YPEL2: variants seen among roughly 807,000 people sequenced by gnomAD.
The protein encoded by YPEL2 is protein yippee-like 2.
Under a neutral mutation model 19.1 loss-of-function variants are expected in YPEL2, and 2 were observed. That is an observed-to-expected ratio of 0.10 (90% CI 0.04 to 0.33). The LOEUF (loss-of-function observed/expected upper bound fraction) is 0.33. YPEL2 is among the 10% of genes least tolerant of loss of function. YPEL2 has a pLI of 1.00. For synonymous variants in YPEL2, 52 were observed against 50.0 expected (o/e 1.04, Z -0.17); for missense variants, 66 against 140.7 (o/e 0.47, Z 2.68).
intron 2 of YPEL2, among the ~76,000 whole-genome samples, chr17:59,361,733 C>G (rs954666472): frequency 1.3e-5 from 2 of 152,148 alleles, no homozygotes; most frequent in African/African-American, 4.8e-5. Context: ...TCATCAGGCT[C>G]TCCACCAAAG....
intron 4 of YPEL2, among the ~76,000 whole-genome samples, chr17:59,393,653 CCCTGCGGCCTT>C (rs2048020198): frequency 6.8e-6 from 1 of 146,624 alleles, no homozygotes; most frequent in African/African-American, 2.5e-5. Flanking sequence ...AGGCAGAGGA[CCCTGCGGCCTT>C]CCGCAGTGTT....
chr17:59,391,717 T>C (rs773248004), intron 4 of YPEL2, among the ~76,000 whole-genome samples: 8 of 152,000 alleles, frequency 5.3e-5, no homozygotes, highest in Non-Finnish European at 1.2e-4. Flanking sequence ...GGCCAACATA[T>C]AGTGAAACTC....
In YPEL2 at chr17:59,368,847, C is replaced by T. The variant is rs550740632; in HGVS notation, c.117+15321C>T. Among the ~76,000 whole-genome samples, 6 of 152,322 alleles carry T rather than the reference C, an allele frequency of 3.9e-5. No homozygotes were observed. In the East Asian group the frequency reaches 1.2e-3, roughly 29 times the overall value. Reference sequence around the variant, plus strand: ...TTTGGAAAATCAACTTCTTTAGCTTCTGTAAACCATGTATCCTTGAGCTTT... The same window carrying T: ...TTTGGAAAATCAACTTCTTTAGCTTTTGTAAACCATGTATCCTTGAGCTTT... On this transcript the variant is annotated intron_variant, in intron 2 of 4. Transcript: ENST00000312655.
At chr17:59,385,784 T>C (rs1368353357) in intron 2 of YPEL2, among the ~76,000 whole-genome samples, 7 of 152,210 alleles carry the variant, frequency 4.6e-5, no homozygotes, top group Non-Finnish European at 8.8e-5. Context: ...ACTTCAAATA[T>C]ACACCGTTTA....
chr17:59,395,897 T>G (rs1465529201), intron 4 of YPEL2, among the ~76,000 whole-genome samples: 1 of 152,054 alleles, frequency 6.6e-6, no homozygotes, highest in Non-Finnish European at 1.5e-5. Flanking sequence ...GCTAACATGG[T>G]GAAACCCCGT....
At chr17:59,367,677 G>C (rs2147946891) in intron 2 of YPEL2, among the ~76,000 whole-genome samples, 1 of 152,346 alleles carries the variant, frequency 6.6e-6, no homozygotes, top group Non-Finnish European at 1.5e-5. Flanking sequence ...ATGGTGGCTT[G>C]TATGAAGAGT....
intron 2 of YPEL2, among the ~76,000 whole-genome samples, chr17:59,384,174 C>G (rs2047968775): frequency 6.6e-6 from 1 of 152,118 alleles, no homozygotes; most frequent in South Asian, 2.1e-4. Flanking sequence ...TGATGAAGTT[C>G]AGTTTATCAG....
chr17:59,360,956 T>C (rs1169173391), intron 2 of YPEL2, among the ~76,000 whole-genome samples: 1 of 152,142 alleles, frequency 6.6e-6, no homozygotes, highest in East Asian at 1.9e-4. Context: ...CTCAGCCACC[T>C]GAGTAACTGG....
At chr17:59,363,603 G>A (rs377503571) in intron 2 of YPEL2, among the ~76,000 whole-genome samples, 5 of 152,178 alleles carry the variant, frequency 3.3e-5, no homozygotes, top group Non-Finnish European at 7.3e-5. Context: ...ATGAGCCGCC[G>A]CACCCAGCTG....
intron 1 of YPEL2, among the ~76,000 whole-genome samples, chr17:59,339,154 G>A (rs189799901): frequency 4.6e-4 from 54 of 117,990 alleles, no homozygotes; most frequent in African/African-American, 1.6e-3. Flanking sequence ...TTACCACTTC[G>A]GTCTTTGTCT....
chr17:59,332,242 G>A (rs538393455), intron 1 of YPEL2, among the ~76,000 whole-genome samples: 1 of 152,228 alleles, frequency 6.6e-6, no homozygotes, highest in East Asian at 1.9e-4. Flanking sequence ...GACGCCCTCC[G>A]TCCTCTCGTG....
intron 4 of YPEL2, among the ~76,000 whole-genome samples, chr17:59,395,553 T>C (rs1180187895): frequency 6.6e-6 from 1 of 152,146 alleles, no homozygotes; most frequent in Admixed American, 6.5e-5. Context: ...GCTGTGGGTT[T>C]AGAAAAGTCA....
At chr17:59,390,081 A>C (rs1242151939) in intron 4 of YPEL2, among the ~76,000 whole-genome samples, 1 of 151,938 alleles carries the variant, frequency 6.6e-6, no homozygotes, top group African/African-American at 2.4e-5. Flanking sequence ...GCTCACCACA[A>C]CCTCTGTCTC....
intron 1 of YPEL2, among the ~76,000 whole-genome samples, chr17:59,336,872 C>G (rs1359795984): frequency 6.6e-6 from 1 of 152,216 alleles, no homozygotes; most frequent in African/African-American, 2.4e-5. Context: ...CGCAAGCTGA[C>G]TGCTGCCCAA....
chr17:59,344,493 C>G (rs1369326511), intron 1 of YPEL2, among the ~76,000 whole-genome samples: 1 of 152,172 alleles, frequency 6.6e-6, no homozygotes, highest in Non-Finnish European at 1.5e-5. Flanking sequence ...GTTTGTGGCT[C>G]ACATCTGTAA....
At chr17:59,340,551 G>A (rs2047723677) in intron 1 of YPEL2, among the ~76,000 whole-genome samples, 1 of 151,906 alleles carries the variant, frequency 6.6e-6, no homozygotes, top group East Asian at 1.9e-4. Context: ...AAGTAGCTGG[G>A]ACTACAGGCA....
chr17:59,338,434 G>C (rs2047710311), intron 1 of YPEL2, among the ~76,000 whole-genome samples: 1 of 152,234 alleles, frequency 6.6e-6, no homozygotes, highest in Admixed American at 6.5e-5. Context: ...CTGTTCAGGA[G>C]TACCTGAGGC....
chr17:59,389,711 G>A (rs914898854), intron 4 of YPEL2, among the ~76,000 whole-genome samples: 1 of 151,422 alleles, frequency 6.6e-6, no homozygotes, highest in Non-Finnish European at 1.5e-5. Context: ...TAATAGTAAT[G>A]GCATATAACC....
intron 2 of YPEL2, among the ~76,000 whole-genome samples, chr17:59,370,238 A>AT (rs35317463): frequency 4.0e-5 from 6 of 151,758 alleles, no homozygotes; most frequent in African/African-American, 1.2e-4. Context: ...AATTTTTTGT[A>AT]TTTTTTAGTA....
Sources: gnomAD v4.1 joint callset for allele counts (sites outside exome capture counted in the v4.1 genomes callset) on GRCh38, gnomAD v4.1.1 for gene constraint, MANE v1.5 for transcripts, NCBI Gene and HGNC (gene_info 2026-07-23, HGNC 2026-07-21) for gene names.